PRORP: variants seen among roughly 807,000 people sequenced by gnomAD.
PRORP encodes the protein protein only RNase P catalytic subunit.
In PRORP, 51 loss-of-function variants were observed where a neutral mutation model predicts 59.4. The observed-to-expected ratio is 0.86, with a 90% CI of 0.69 to 1.08. PRORP has a LOEUF of 1.08. Among genes scored for constraint, PRORP ranks in the 50% least tolerant of loss-of-function variants. The probability of loss-of-function intolerance (pLI) is 0.00; values close to 1 mark genes in which losing one functional copy is unlikely to be tolerated. For synonymous variants in PRORP, 231 were observed against 245.6 expected (o/e 0.94, Z 0.55); for missense variants, 646 against 690.3 (o/e 0.94, Z 0.72).
intron 5 of PRORP, among the ~76,000 whole-genome samples, chr14:35,225,949 G>C (rs1433120460): frequency 6.6e-6 from 1 of 152,128 alleles, no homozygotes; most frequent in Admixed American, 6.5e-5. Flanking sequence ...TAAATCACTT[G>C]CCTCTAGCCT....
chr14:35,132,840 GGAAGGAA>G (rs554332049), intron 4 of PRORP, among the ~76,000 whole-genome samples: 5 of 151,742 alleles, frequency 3.3e-5, no homozygotes, highest in Non-Finnish European at 5.9e-5. Context: ...CAAAGGAAAG[GGAAGGAA>G]GAAGGAAGAA....
At position 35,164,171 on chromosome 14, in the gene PRORP, A is replaced by G. The variant is rs78277919; in HGVS notation, c.1168-16499A>G. ...AGTATGAGGCTGCAGAGAAAAGGGAATGCTTATACACTGTTGATGGGATGT... is the reference window on the plus strand; with the variant it reads ...AGTATGAGGCTGCAGAGAAAAGGGAGTGCTTATACACTGTTGATGGGATGT... On this transcript the variant is annotated intron_variant, in intron 4 of 7. Coordinates refer to ENST00000534898, the MANE Select transcript of PRORP (RefSeq NM_014672.4). Among the ~76,000 whole-genome samples the G allele has an allele frequency of 9.9e-4, 151 of 152,338 alleles. 1 individual carries two copies. The highest frequency in any genetic ancestry group is 3.5e-3 in the African/African-American group (146 of 41,572).
intron 4 of PRORP, among the ~76,000 whole-genome samples, chr14:35,130,243 A>T (rs976738570): frequency 6.6e-6 from 1 of 151,988 alleles, no homozygotes; most frequent in Non-Finnish European, 1.5e-5. Flanking sequence ...CATGTTAACC[A>T]GGATGGTCTT....
intron 7 of PRORP, among the ~76,000 whole-genome samples, chr14:35,272,583 C>G (rs896626151): frequency 7.9e-5 from 12 of 152,098 alleles, no homozygotes; most frequent in African/African-American, 2.9e-4. Context: ...AGGTATTGAT[C>G]TTACATTTAT....
At chr14:35,212,204 C>T (rs544844328) in intron 5 of PRORP, among the ~76,000 whole-genome samples, 1 of 152,316 alleles carries the variant, frequency 6.6e-6, no homozygotes, top group African/African-American at 2.4e-5. Flanking sequence ...GCAGCAACTT[C>T]CTCCACTGAA....
At chr14:35,209,972 ACTCT>A (rs1555328578) in intron 5 of PRORP, among the ~76,000 whole-genome samples, 1 of 152,074 alleles carries the variant, frequency 6.6e-6, no homozygotes, top group Non-Finnish European at 1.5e-5. Flanking sequence ...TCACTAGAGC[ACTCT>A]CTCTAAATGA....
chr14:35,273,300 G>A, intron 7 of PRORP, 135 bp from the exon 8 acceptor site: 1 of 832,250 alleles, frequency 1.2e-6, no homozygotes, highest in Non-Finnish European at 1.7e-6. Context: ...GCTGCTGTTT[G>A]AAAATCCATT....
intron 5 of PRORP, among the ~76,000 whole-genome samples, chr14:35,229,458 C>G (rs935856046): frequency 2.6e-5 from 4 of 152,064 alleles, no homozygotes; most frequent in Admixed American, 2.6e-4. Flanking sequence ...TCCATCTTGA[C>G]TTAATTTTTG....
chr14:35,133,640 A>G (rs561575920), intron 4 of PRORP, among the ~76,000 whole-genome samples: 85 of 152,172 alleles, frequency 5.6e-4, no homozygotes, highest in African/African-American at 1.9e-3. Flanking sequence ...TTCCTTCCTG[A>G]GAAGGCTTTC....
rs188792987 is a variant in PRORP, at chr14:35,131,362, G to A, written c.1167+3751G>A. On this transcript the variant is annotated intron_variant, in intron 4 of 7. Coordinates refer to ENST00000534898, the MANE Select transcript of PRORP (RefSeq NM_014672.4). Reference sequence around the variant, plus strand: ...TCTTTATTTCTCCTTCATGTCTGAAGGATATTTTCACTGCATATACTATTC... The same window carrying A: ...TCTTTATTTCTCCTTCATGTCTGAAAGATATTTTCACTGCATATACTATTC... Among the ~76,000 whole-genome samples, 80 of 152,256 alleles carry A rather than the reference G, an allele frequency of 5.3e-4. 1 individual carries two copies. The highest frequency in any genetic ancestry group is 1.9e-4 in the Non-Finnish European group (13 of 68,008).
rs1375239591 is a variant in PRORP at position 35,123,170 on chromosome 14, A to T, written c.-76A>T. 2.1e-6 allele frequency: 3 copies of T among 1,458,384 alleles called. No individual in the cohort carries two copies. The highest frequency in any genetic ancestry group is 2.8e-6 in the Non-Finnish European group (3 of 1,081,798). The allele number at this position is 1,458,384 out of a possible 1,614,324, so 90.3% of individuals were successfully genotyped here. ...CTTCGACTCTGCACCGCCGACCCCC[A>T]ATCTCTTTAATTTTGCCATAGAAGA... On this transcript the variant is annotated 5_prime_UTR_variant, in exon 2 of 8. Coordinates refer to ENST00000534898, the MANE Select transcript of PRORP (RefSeq NM_014672.4).
intron 5 of PRORP, chr14:35,235,159 C>G (rs1421712391): frequency 1.1e-5 from 7 of 615,282 alleles, no homozygotes; most frequent in Non-Finnish European, 2.1e-5. Context: ...GTACAGAAAA[C>G]TCAACAGTGT....
At chr14:35,223,257 C>A (rs1304740279) in intron 5 of PRORP, among the ~76,000 whole-genome samples, 1 of 151,484 alleles carries the variant, frequency 6.6e-6, no homozygotes, top group African/African-American at 2.4e-5. Context: ...TGAAACCTCT[C>A]CCCAATGCTG....
At chr14:35,268,342 CAAAA>C (rs769701565) in intron 6 of PRORP, among the ~76,000 whole-genome samples, 1 of 50,888 alleles carries the variant, frequency 2.0e-5, no homozygotes, top group Non-Finnish European at 4.0e-5. Context: ...GAGACTGTCT[CAAAA>C]AAAAAAAAAA....
At chr14:35,249,259 A>T (rs1298999950) in intron 5 of PRORP, among the ~76,000 whole-genome samples, 1 of 152,082 alleles carries the variant, frequency 6.6e-6, no homozygotes, top group Non-Finnish European at 1.5e-5. Context: ...AATTACCATG[A>T]GGTTATCTTT....
intron 5 of PRORP, among the ~76,000 whole-genome samples, chr14:35,188,897 T>C (rs2048810160): frequency 7.1e-6 from 1 of 141,436 alleles, no homozygotes; most frequent in Non-Finnish European, 1.5e-5. Context: ...TAAGCTGAGA[T>C]CGTACCACTG....
At chr14:35,122,089 G>A (rs2046925074), upstream of PRORP, 18 of 948,642 alleles carry the variant, frequency 1.9e-5, no homozygotes, top group Non-Finnish European at 2.6e-5. Flanking sequence ...TTGATCGAGG[G>A]CGGAAGTCTT....
chr14:35,218,473 A>AAC (rs1357638653), intron 5 of PRORP, among the ~76,000 whole-genome samples: 2 of 145,950 alleles, frequency 1.4e-5, no homozygotes, highest in Non-Finnish European at 3.0e-5. Context: ...AAAAGAAAAA[A>AAC]AAAAAAAAAA....
At chr14:35,253,331 C>CA (rs1344336297) in intron 5 of PRORP, among the ~76,000 whole-genome samples, 1,851 of 67,994 alleles carry the variant, frequency 0.027, 34 homozygotes, top group African/African-American at 0.067. Context: ...GAGACTGTTT[C>CA]AAAAAAAAAA....
Sources: allele counts gnomAD v4.1 joint callset (sites outside exome capture counted in the v4.1 genomes callset), GRCh38; gene constraint gnomAD v4.1.1; transcripts MANE v1.5; gene names NCBI Gene and HGNC (gene_info 2026-07-23, HGNC 2026-07-21).